The following GRAMD4 variants were observed in gnomAD, a reference collection of about 807,000 sequenced individuals.
GRAMD4 encodes the protein GRAM domain containing 4, also known as GRAM domain-containing protein 4.
GRAMD4 carries 25 observed loss-of-function variants against 83.9 expected under a neutral mutation model. That is an observed-to-expected ratio of 0.30 (90% CI 0.22 to 0.42). The LOEUF (loss-of-function observed/expected upper bound fraction) is 0.42. GRAMD4 is among the 10% of genes least tolerant of loss of function. The probability of loss-of-function intolerance (pLI) is 1.00; values close to 1 mark genes in which losing one functional copy is unlikely to be tolerated. For missense variants in GRAMD4, 593 were observed against 788.7 expected, an observed-to-expected ratio of 0.75 and a Z score of 2.97; for synonymous variants, 336 against 320.9, an observed-to-expected ratio of 1.05 and a Z score of -0.50.
At chr22:46,586,342 A>T (rs1419292360) in intron 1 of GRAMD4, among the ~76,000 whole-genome samples, 1 of 149,764 alleles carries the variant, frequency 6.7e-6, no homozygotes, top group Non-Finnish European at 1.5e-5. Context: ...TTCCAGGTTG[A>T]GATTGGTGGG....
intron 1 of GRAMD4, among the ~76,000 whole-genome samples, chr22:46,577,856 C>A (rs1221030427): frequency 2.0e-5 from 3 of 152,220 alleles, no homozygotes; most frequent in African/African-American, 4.8e-5. Flanking sequence ...GGGCTGGCAC[C>A]TTGGCTGTAG....
At chr22:46,576,977 C>T (rs1390312175), upstream of GRAMD4, among the ~76,000 whole-genome samples, 1 of 145,026 alleles carries the variant, frequency 6.9e-6, no homozygotes, top group East Asian at 2.0e-4. Context: ...CCCGCGGACC[C>T]CCGAGCCGGC....
intron 1 of GRAMD4, among the ~76,000 whole-genome samples, chr22:46,625,022 G>A (rs956217174): frequency 1.3e-5 from 2 of 151,926 alleles, no homozygotes; most frequent in East Asian, 1.9e-4. Flanking sequence ...CACCACGCCC[G>A]GCTAATTTTT....
Position 46,600,596 on chromosome 22 carries a change from G to A in GRAMD4, c.-50+23306G>A, listed in dbSNP as rs377748705. Among the ~76,000 whole-genome samples the A allele has an allele frequency of 5.9e-5, 9 of 152,302 alleles. No homozygotes were observed. The East Asian group carries it at 1.7e-3, about 29-fold the overall frequency. ...GGGAAGCACAGACAGTGCACAGGCAGGCATGGAGGAGACAGCGGAGCAAGG... is the reference window on the plus strand; with the variant it reads ...GGGAAGCACAGACAGTGCACAGGCAAGCATGGAGGAGACAGCGGAGCAAGG... On this transcript the variant is annotated intron_variant, in intron 1 of 1. Transcript: ENST00000431155.
chr22:46,651,060 G>A (rs900632809), intron 3 of GRAMD4, among the ~76,000 whole-genome samples: 1 of 152,210 alleles, frequency 6.6e-6, no homozygotes, highest in Non-Finnish European at 1.5e-5. Context: ...GTTTCCCTGT[G>A]TGCCACGTAC....
chr22:46,575,985 G>C (rs561921195), upstream of GRAMD4: 8 of 152,790 alleles, frequency 5.2e-5, no homozygotes, highest in African/African-American at 1.9e-4. Flanking sequence ...GTGCACTTGA[G>C]CTGGGGCCCT....
chr22:46,669,504 T>G (rs1439622765), intron 13 of GRAMD4, among the ~76,000 whole-genome samples: 1 of 151,856 alleles, frequency 6.6e-6, no homozygotes, highest in Non-Finnish European at 1.5e-5. Flanking sequence ...TTCCCTCCTT[T>G]CTCTTTTCTT....
chr22:46,609,364 A>T (rs1174856464), intron 1 of GRAMD4, among the ~76,000 whole-genome samples: 1 of 152,196 alleles, frequency 6.6e-6, no homozygotes, highest in Non-Finnish European at 1.5e-5. Context: ...GCTTGTATGT[A>T]TCCCAGGGCT....
intron 11 of GRAMD4, 36 bp downstream of exon 11, chr22:46,668,203 G>A (rs764943393): frequency 2.0e-5 from 29 of 1,467,496 alleles, no homozygotes; most frequent in Middle Eastern, 2.1e-4. Flanking sequence ...GTGTGTCTGC[G>A]CCAGCCATGG....
At position 46,677,593 on chromosome 22, in the gene GRAMD4, C is replaced by T; in HGVS notation, c.*342C>T. On this transcript the variant is annotated 3_prime_UTR_variant, in exon 19 of 19. Coordinates refer to ENST00000406902, the MANE Select transcript of GRAMD4 (RefSeq NM_015124.5). ...CGTTCCAGCCTGGACAGAGAAACCTCTCCAGCCACCCCAAGAGGTTCTCGC... is the reference window on the plus strand; with the variant it reads ...CGTTCCAGCCTGGACAGAGAAACCTTTCCAGCCACCCCAAGAGGTTCTCGC... 9.5e-7 allele frequency: 1 copy of T among 1,049,604 alleles called. No individual in the cohort carries two copies. The highest frequency in any genetic ancestry group is 1.2e-6 in the Non-Finnish European group (1 of 869,510). The allele number at this position is 1,049,604 out of a possible 1,614,324, so 65.0% of individuals were successfully genotyped here. A position where few individuals can be genotyped will look rare whatever the true frequency, so the allele number is the denominator to read the frequency against.
chr22:46,597,487 CTATT>C lies in GRAMD4; in HGVS notation c.-50+20211_-50+20214del, dbSNP rs1569251212. Among the ~76,000 whole-genome samples, 4 of 152,116 alleles carry C rather than the reference CTATT, an allele frequency of 2.6e-5. No individual in the cohort carries two copies. The East Asian group carries it at 5.8e-4, about 22-fold the overall frequency. On this transcript the variant is annotated intron_variant, in intron 1 of 1. Coordinates refer to the GRAMD4 transcript ENST00000431155. ...GGCCTGGTTTCATTTATCTATCTAT[CTATT>C]TATTTATTTATTTTTTGAGACGGAG...
chr22:46,582,905 G>A (rs1042539741), intron 1 of GRAMD4, among the ~76,000 whole-genome samples: 1 of 152,174 alleles, frequency 6.6e-6, no homozygotes, highest in African/African-American at 2.4e-5. Context: ...CTTCCTCCCT[G>A]CCTGTGGTGA....
intron 1 of GRAMD4, among the ~76,000 whole-genome samples, chr22:46,624,459 G>T (rs902136158): frequency 6.0e-5 from 9 of 150,478 alleles, no homozygotes; most frequent in Non-Finnish European, 1.2e-4. Context: ...CTCCTGAGTA[G>T]CTGGGACTAC....
At position 46,622,261 on chromosome 22, in the gene GRAMD4, T is replaced by G. The variant is rs2081586379; in HGVS notation, c.-50+1696T>G. ...TGCAGGCAGCCAAGAGTTCTGTGCGTGTCCAAGCGTGTCCCCTGCTTTCCT... is the reference window on the plus strand; with the variant it reads ...TGCAGGCAGCCAAGAGTTCTGTGCGGGTCCAAGCGTGTCCCCTGCTTTCCT... On this transcript the variant is annotated intron_variant, in intron 1 of 18. Coordinates refer to ENST00000406902, the MANE Select transcript of GRAMD4 (RefSeq NM_015124.5). This position sits in a 1 kb window ranked among gnomAD's most constrained non-coding sequence, Gnocchi z 4.0. Among the ~76,000 whole-genome samples the G allele has an allele frequency of 6.6e-6, 1 of 152,094 alleles. No individual in the cohort carries two copies. The highest frequency in any genetic ancestry group is 1.5e-5 in the Non-Finnish European group (1 of 68,006).
intron 1 of GRAMD4, among the ~76,000 whole-genome samples, chr22:46,587,604 G>T (rs987883524): frequency 2.0e-5 from 3 of 152,052 alleles, no homozygotes; most frequent in African/African-American, 7.2e-5. Flanking sequence ...GGGGCGGGGG[G>T]CCAGTGGGCT....
rs1446341231 is a variant in GRAMD4 at position 46,677,329 on chromosome 22, G to A, written c.*78G>A. ...TTTTTTTTTTTTACGATTTGGTAGTGGAAACAATTGGACATCCTCATGAGC... is the reference window on the plus strand; with the variant it reads ...TTTTTTTTTTTTACGATTTGGTAGTAGAAACAATTGGACATCCTCATGAGC... On this transcript the variant is annotated 3_prime_UTR_variant, in exon 19 of 19. Coordinates refer to ENST00000406902, the MANE Select transcript of GRAMD4 (RefSeq NM_015124.5). 49 of 1,490,918 alleles carry A rather than the reference G, an allele frequency of 3.3e-5. No individual in the cohort carries two copies. Among genetic ancestry groups the A allele is most frequent in the African/African-American group, 1.4e-5 (1 of 70,066 alleles). 92.4% of individuals were successfully genotyped at this position (1,490,918 alleles called of 1,614,324 possible).
intron 3 of GRAMD4, among the ~76,000 whole-genome samples, chr22:46,647,242 C>G (rs906358834): frequency 6.6e-6 from 1 of 152,222 alleles, no homozygotes; most frequent in Non-Finnish European, 1.5e-5. Flanking sequence ...GGCACTGATA[C>G]AGCAGCGTGT....
intron 1 of GRAMD4, among the ~76,000 whole-genome samples, chr22:46,588,964 T>C (rs1245222723): frequency 6.6e-6 from 1 of 152,112 alleles, no homozygotes; most frequent in Non-Finnish European, 1.5e-5. Context: ...TCTTAAACAT[T>C]TGAGATGTCC....
At chr22:46,576,469 G>A (rs1246417234), upstream of GRAMD4, among the ~76,000 whole-genome samples, 3 of 152,174 alleles carry the variant, frequency 2.0e-5, no homozygotes, top group African/African-American at 7.2e-5. Context: ...GGTAGTGCCT[G>A]GGGAGATGCA....
Sources: allele counts gnomAD v4.1 joint callset (sites outside exome capture counted in the v4.1 genomes callset), GRCh38; gene constraint gnomAD v4.1.1; non-coding constraint Gnocchi (gnomAD v3.1); transcripts MANE v1.5; gene names NCBI Gene and HGNC (gene_info 2026-07-23, HGNC 2026-07-21).